The following CREM variants were observed in gnomAD, a reference collection of about 807,000 sequenced individuals.
CREM encodes the protein cAMP responsive element modulator.
A neutral mutation model predicts 37.3 loss-of-function variants in CREM; 13 were observed. The observed-to-expected ratio is 0.35, with a 90% CI of 0.23 to 0.55. CREM has a LOEUF of 0.55. Among genes scored for constraint, CREM ranks in the 20% least tolerant of loss-of-function variants. CREM has a pLI of 0.88. For synonymous variants in CREM, 124 were observed against 120.2 expected (o/e 1.03, Z -0.21); for missense variants, 296 against 362.3 (o/e 0.82, Z 1.49).
At chr10:35,169,945 AT>A (rs1187317704) in intron 3 of CREM, among the ~76,000 whole-genome samples, 1 of 147,410 alleles carries the variant, frequency 6.8e-6, no homozygotes, top group Non-Finnish European at 1.5e-5. Flanking sequence ...AATGAAGCCC[AT>A]TTGATCATGG....
intron 3 of CREM, among the ~76,000 whole-genome samples, chr10:35,167,132 C>T (rs1318032655): frequency 2.6e-5 from 4 of 152,122 alleles, no homozygotes; most frequent in Admixed American, 2.6e-4. Context: ...CAGAGCAAGA[C>T]TCCGTCTCAG....
At chr10:35,175,552 G>A in intron 3 of CREM, 1 of 878,008 alleles carries the variant, frequency 1.1e-6, no homozygotes, top group Non-Finnish European at 1.8e-6. Flanking sequence ...TAGGCGTGAG[G>A]TCGTAGTGAG....
At chr10:35,130,957 A>G (rs1217929576) in intron 1 of CREM, among the ~76,000 whole-genome samples, 1 of 152,230 alleles carries the variant, frequency 6.6e-6, no homozygotes, top group East Asian at 1.9e-4. Context: ...TAGGAGTGAT[A>G]GAGGAAATTA....
At chr10:35,151,203 C>T (rs374708659) in intron 3 of CREM, among the ~76,000 whole-genome samples, 1 of 152,144 alleles carries the variant, frequency 6.6e-6, no homozygotes, top group African/African-American at 2.4e-5. Context: ...TAGAAAAAGC[C>T]TGTGTTTACG....
At chr10:35,203,207 G>A (rs1191770113) in intron 6 of CREM, among the ~76,000 whole-genome samples, 1 of 151,906 alleles carries the variant, frequency 6.6e-6, no homozygotes, top group Non-Finnish European at 1.5e-5. Flanking sequence ...CACCACACCT[G>A]GTTAATTTTT....
intron 3 of CREM, among the ~76,000 whole-genome samples, chr10:35,178,510 G>T (rs769629710): frequency 3.3e-5 from 5 of 152,204 alleles, no homozygotes; most frequent in Admixed American, 6.5e-5. Flanking sequence ...TCTCTTCTGC[G>T]TTGGCCCCTC....
intron 6 of CREM, among the ~76,000 whole-genome samples, chr10:35,203,701 ATAAAAAG>A (rs953842876): frequency 1.3e-5 from 2 of 152,176 alleles, no homozygotes; most frequent in African/African-American, 2.4e-5. Context: ...CAAAATAAAA[ATAAAAAG>A]TAAAAAGTTT....
At chr10:35,191,109 A>ATTTATTG (rs1564936841) in intron 6 of CREM, among the ~76,000 whole-genome samples, 1 of 12,068 alleles carries the variant, frequency 8.3e-5, no homozygotes, top group East Asian at 2.9e-3. Flanking sequence ...TTTATTTATT[A>ATTTATTG]TACTTTAAGT....
chr10:35,174,634 A>C (rs1393830036), intron 3 of CREM, among the ~76,000 whole-genome samples: 1 of 152,198 alleles, frequency 6.6e-6, no homozygotes. Flanking sequence ...TTCTACTACC[A>C]CTCATGATAG....
chr10:35,211,883 CTTCTT>C lies in CREM; in HGVS notation c.*492_*496del. The C allele has an allele frequency of 1.5e-6, 2 of 1,299,138 alleles. No homozygotes were observed. Among genetic ancestry groups the C allele is most frequent in the Non-Finnish European group, 2.1e-6 (2 of 975,290 alleles). The allele number at this position is 1,299,138 out of a possible 1,614,324, so 80.5% of individuals were successfully genotyped here. ...AATATATAGCTGGCAAGAATGGTGG[CTTCTT>C]TTCTTTGTATCATTCATCTTCTTCT... On this transcript the variant is annotated 3_prime_UTR_variant, in exon 8 of 8. Transcript: ENST00000685392.
chr10:35,175,891 A>T (rs1310426693), intron 3 of CREM: 1 of 1,558,466 alleles, frequency 6.4e-7, no homozygotes, highest in Non-Finnish European at 8.7e-7. Flanking sequence ...GAGGCTCCCC[A>T]GCTGTAACTC....
At chr10:35,171,647 T>C (rs2093826263) in intron 3 of CREM, among the ~76,000 whole-genome samples, 1 of 152,198 alleles carries the variant, frequency 6.6e-6, no homozygotes, top group Non-Finnish European at 1.5e-5. Context: ...AAAATGAATG[T>C]GGACACCACC....
At chr10:35,158,529 C>A in intron 3 of CREM, 1 of 193,716 alleles carries the variant, frequency 5.2e-6, no homozygotes, top group South Asian at 8.6e-5. Flanking sequence ...AAAAGATGAT[C>A]ACCCTCCAGA....
intron 5 of CREM, among the ~76,000 whole-genome samples, chr10:35,180,525 C>T (rs2094309030): frequency 6.6e-6 from 1 of 152,138 alleles, no homozygotes; most frequent in South Asian, 2.1e-4. Flanking sequence ...GAACTCCTAC[C>T]ATGATACCTA....
chr10:35,170,073 C>T (rs1180280120), intron 3 of CREM, among the ~76,000 whole-genome samples: 1 of 151,786 alleles, frequency 6.6e-6, no homozygotes. Flanking sequence ...CGCCATTCTC[C>T]TGCTTCAGCC....
intron 5 of CREM, among the ~76,000 whole-genome samples, chr10:35,183,286 T>G (rs1367940473): frequency 6.6e-6 from 1 of 152,180 alleles, no homozygotes; most frequent in Non-Finnish European, 1.5e-5. Flanking sequence ...CTTTGTGGAC[T>G]CCTTATAAGA....
At chr10:35,182,322 A>G (rs1320971264) in intron 5 of CREM, among the ~76,000 whole-genome samples, 1 of 152,022 alleles carries the variant, frequency 6.6e-6, no homozygotes, top group Non-Finnish European at 1.5e-5. Context: ...GAATAGAGGA[A>G]CGTATTTTAT....
Position 35,187,029 on chromosome 10 carries a change from CATATA to C in CREM, c.410-1165_410-1161del, listed in dbSNP as rs1331864980. The stretch of plus-strand genomic sequence containing the variant: ...ATAATATAATATATAATATATATCA[CATATA>C]ATATATATTATATATAATTAATATA... On this transcript the variant is annotated intron_variant, in intron 5 of 7. Coordinates refer to ENST00000685392, the MANE Select transcript of CREM (RefSeq NM_183011.2). Among the ~76,000 whole-genome samples, 592 of 63,560 alleles carry C rather than the reference CATATA, an allele frequency of 9.3e-3. 7 individuals carry two copies. The highest frequency in any genetic ancestry group is 0.035 in the African/African-American group (558 of 15,772). 41.7% of individuals were successfully genotyped at this position (63,560 alleles called of 152,430 possible). A position where few individuals can be genotyped will look rare whatever the true frequency, so the allele number is the denominator to read the frequency against.
chr10:35,205,940 C>T (rs546857536), intron 6 of CREM, among the ~76,000 whole-genome samples: 130 of 147,272 alleles, frequency 8.8e-4, no homozygotes, highest in Non-Finnish European at 1.7e-3. Context: ...CCTGGAGCCA[C>T]TTAGTGAGAC....
Sources: allele counts gnomAD v4.1 joint callset (sites outside exome capture counted in the v4.1 genomes callset), GRCh38; gene constraint gnomAD v4.1.1; transcripts MANE v1.5; gene names NCBI Gene and HGNC (gene_info 2026-07-23, HGNC 2026-07-21).